Variants in STRBP observed in about 807,000 individuals in gnomAD.
STRBP encodes spermatid perinuclear RNA-binding protein.
Under a neutral mutation model 80.1 loss-of-function variants are expected in STRBP, and 13 were observed. That is an observed-to-expected ratio of 0.16 (90% CI 0.11 to 0.26). STRBP has a LOEUF of 0.26. Ranked by LOEUF, STRBP falls within the 10% of genes least tolerant of loss-of-function variation. STRBP has a pLI of 1.00. For synonymous variants in STRBP, 284 were observed against 291.2 expected, an observed-to-expected ratio of 0.98 and a Z score of 0.25; for missense variants, 485 against 815.2, an observed-to-expected ratio of 0.59 and a Z score of 4.93.
chr9:123,245,744 G>C (rs553508654), intron 1 of STRBP, among the ~76,000 whole-genome samples: 3 of 152,206 alleles, frequency 2.0e-5, no homozygotes, highest in Non-Finnish European at 4.4e-5. Context: ...ATGAGAATCA[G>C]TATCCTCCAG....
intron 1 of STRBP, among the ~76,000 whole-genome samples, chr9:123,260,518 C>T (rs551095429): frequency 2.5e-4 from 38 of 152,294 alleles, no homozygotes; most frequent in African/African-American, 9.1e-4. Context: ...AAATAATATG[C>T]TTAACTCACA....
chr9:123,145,386 T>C (rs576627810), intron 13 of STRBP, among the ~76,000 whole-genome samples: 3 of 152,312 alleles, frequency 2.0e-5, no homozygotes, highest in African/African-American at 7.2e-5. Context: ...TCTTGTCACA[T>C]TGCAAAATGT....
At chr9:123,169,875 T>TAC (rs1564260713) in intron 6 of STRBP, 27 bp downstream of exon 6, 15 of 666,720 alleles carry the variant, frequency 2.2e-5, no homozygotes, top group South Asian at 1.1e-4. Context: ...AATATATACA[T>TAC]ATATATATAT....
At chr9:123,154,254 AC>A (rs1025821391) in intron 11 of STRBP, among the ~76,000 whole-genome samples, 13 of 152,232 alleles carry the variant, frequency 8.5e-5, no homozygotes, top group Admixed American at 8.5e-4. Flanking sequence ...GATACTATAT[AC>A]CTATTAAAAT....
chr9:123,196,469 T>C (rs2039094187), intron 2 of STRBP, among the ~76,000 whole-genome samples: 2 of 152,072 alleles, frequency 1.3e-5, no homozygotes, highest in South Asian at 4.1e-4. Context: ...TTCCATTAGA[T>C]GCAAACTATC....
At chr9:123,160,757 T>C (rs548988960) in intron 7 of STRBP, among the ~76,000 whole-genome samples, 1 of 152,324 alleles carries the variant, frequency 6.6e-6, no homozygotes, top group East Asian at 1.9e-4. Context: ...CCATCTGAAA[T>C]TCAGAATACT....
chr9:123,168,254 T>TAA (rs2037853295), intron 6 of STRBP: 1 of 982,356 alleles, frequency 1.0e-6, no homozygotes, highest in Admixed American at 6.1e-5. Context: ...TGGTGAACTG[T>TAA]AAAGCTGTTA....
At chr9:123,194,065 G>A (rs1431778611) in intron 2 of STRBP, among the ~76,000 whole-genome samples, 2 of 152,076 alleles carry the variant, frequency 1.3e-5, no homozygotes, top group Non-Finnish European at 2.9e-5. Context: ...ATATCCTGCC[G>A]TGTCCAAGAT....
intron 2 of STRBP, among the ~76,000 whole-genome samples, chr9:123,195,523 CA>C (rs1381727134): frequency 1.3e-5 from 2 of 152,056 alleles, no homozygotes; most frequent in Non-Finnish European, 2.9e-5. Context: ...AATCAACATA[CA>C]AAAATCAGTA....
intron 2 of STRBP, among the ~76,000 whole-genome samples, chr9:123,201,211 TG>T (rs2039314964): frequency 6.6e-6 from 1 of 152,138 alleles, no homozygotes; most frequent in Non-Finnish European, 1.5e-5. Flanking sequence ...TTTTTGTGTG[TG>T]TTTGAATTTC....
At position 123,211,715 on chromosome 9, in the gene STRBP, T is replaced by C. The variant is rs185690865; in HGVS notation, c.-165+25115A>G. Reference sequence around the variant, plus strand: ...GCCAAATCGGTTCAACTATAAAGAGTTGTTATACTATTTTCCTAATATGGA... The same window carrying C: ...GCCAAATCGGTTCAACTATAAAGAGCTGTTATACTATTTTCCTAATATGGA... On this transcript the variant is annotated intron_variant, in intron 2 of 18. Coordinates refer to ENST00000348403, the MANE Select transcript of STRBP (RefSeq NM_018387.5). Among the ~76,000 whole-genome samples the C allele has an allele frequency of 5.3e-5, 8 of 152,250 alleles. No homozygotes were observed. In the South Asian group the frequency reaches 1.0e-3, roughly 20 times the overall value.
At chr9:123,233,115 T>C in intron 2 of STRBP, among the ~76,000 whole-genome samples, 1 of 152,208 alleles carries the variant, frequency 6.6e-6, no homozygotes, top group East Asian at 1.9e-4. Flanking sequence ...CTTTGTCATC[T>C]ATGCTGGGAG....
At chr9:123,247,675 C>A (rs2040826237) in intron 1 of STRBP, among the ~76,000 whole-genome samples, 2 of 152,216 alleles carry the variant, frequency 1.3e-5, no homozygotes, top group African/African-American at 4.8e-5. Flanking sequence ...CACAGTGAAA[C>A]TGCTGTAAGG....
intron 1 of STRBP, among the ~76,000 whole-genome samples, chr9:123,250,494 T>C (rs906005273): frequency 6.6e-6 from 1 of 152,142 alleles, no homozygotes; most frequent in African/African-American, 2.4e-5. Context: ...ATGTTTAAGA[T>C]TGTAAAAGGG....
chr9:123,153,340 G>A (rs527439548), intron 11 of STRBP, among the ~76,000 whole-genome samples: 1 of 152,142 alleles, frequency 6.6e-6, no homozygotes, highest in East Asian at 1.9e-4. Context: ...ACAGGAGCAT[G>A]CCACCACGCC....
chr9:123,241,312 G>A (rs1002850126), intron 1 of STRBP, among the ~76,000 whole-genome samples: 6 of 152,042 alleles, frequency 3.9e-5, no homozygotes, highest in African/African-American at 1.4e-4. Context: ...GACTAGCCTG[G>A]GCAACAAATG....
chr9:123,170,476 G>A (rs775922782), intron 5 of STRBP, among the ~76,000 whole-genome samples: 8 of 152,138 alleles, frequency 5.3e-5, no homozygotes, highest in Non-Finnish European at 8.8e-5. Flanking sequence ...ACTCCTACTT[G>A]GCAAAAACTT....
intron 1 of STRBP, among the ~76,000 whole-genome samples, chr9:123,248,077 T>A (rs1199838290): frequency 6.6e-6 from 1 of 152,144 alleles, no homozygotes; most frequent in Non-Finnish European, 1.5e-5. Flanking sequence ...TGAGTGGAGA[T>A]CTTTACTCTG....
intron 2 of STRBP, among the ~76,000 whole-genome samples, chr9:123,218,666 G>C (rs957803794): frequency 4.6e-5 from 7 of 152,124 alleles, no homozygotes; most frequent in African/African-American, 1.7e-4. Context: ...ACCGCGCCCG[G>C]CCTAAATATG....
Sources: allele counts gnomAD v4.1 joint callset (sites outside exome capture counted in the v4.1 genomes callset), GRCh38; gene constraint gnomAD v4.1.1; transcripts MANE v1.5; gene names NCBI Gene and HGNC (gene_info 2026-07-23, HGNC 2026-07-21).